BRWD3: variants seen among roughly 807,000 people sequenced by gnomAD.
BRWD3 encodes bromodomain and WD repeat-containing protein 3.
A neutral mutation model predicts 149.7 loss-of-function variants in BRWD3; 10 were observed. The observed-to-expected ratio is 0.07, with a 90% CI of 0.04 to 0.11. The LOEUF is 0.11. Ranked by LOEUF, BRWD3 falls within the 10% of genes least tolerant of loss-of-function variation. The probability of loss-of-function intolerance (pLI) is 1.00; values close to 1 mark genes in which losing one functional copy is unlikely to be tolerated. For synonymous variants in BRWD3, 504 were observed against 456.7 expected (o/e 1.10, Z -1.32); for missense variants, 940 against 1,373.2 (o/e 0.68, Z 4.99).
chrX:80,745,041 G>A (rs1303404748), intron 7 of BRWD3, among the ~76,000 whole-genome samples: 1 of 111,233 alleles, frequency 9.0e-6, no homozygotes, highest in Non-Finnish European at 1.9e-5. Context: ...AAATACTGGT[G>A]TACTACAATT....
At chrX:80,704,914 G>T in intron 22 of BRWD3, 68 bp from the exon 23 acceptor site, 1 of 1,025,381 alleles carries the variant, frequency 9.8e-7, no homozygotes, top group Non-Finnish European at 1.4e-6. Context: ...ATAATTGAAA[G>T]ATCATTCTGT....
intron 24 of BRWD3, among the ~76,000 whole-genome samples, chrX:80,700,637 T>A (rs2072773077): frequency 9.5e-6 from 1 of 105,182 alleles, no homozygotes; most frequent in Non-Finnish European, 1.9e-5. Flanking sequence ...CTAGGGAGGC[T>A]GACGCAGGAG....
chrX:80,770,702 T>A (rs975628161), intron 6 of BRWD3, among the ~76,000 whole-genome samples: 1 of 112,067 alleles, frequency 8.9e-6, no homozygotes, highest in Non-Finnish European at 1.9e-5. Flanking sequence ...AAGACAGGGA[T>A]GCCCTCTCTC....
At chrX:80,793,057 GAGGCTA>G (rs2074198531) in intron 5 of BRWD3, among the ~76,000 whole-genome samples, 1 of 105,479 alleles carries the variant, frequency 9.5e-6, no homozygotes, top group Non-Finnish European at 1.9e-5. Context: ...AGCTACTCAG[GAGGCTA>G]AGGCAGGAGA....
intron 40 of BRWD3, among the ~76,000 whole-genome samples, chrX:80,679,749 G>C (rs185115462): frequency 9.1e-6 from 1 of 109,734 alleles, no homozygotes; most frequent in Non-Finnish European, 1.9e-5. Context: ...AAAAAAAGAC[G>C]CTAGTTGGCC....
At position 80,681,361 on chromosome X, in the gene BRWD3, C is replaced by A; in HGVS notation, c.4634G>T (p.Arg1545Ile). ...CCTACCTTGTTTAACTGGCAAAACT[C>A]TATTCCGAAATGATTTGGCTTTCCC... Reference protein sequence around the residue: ...DPGKAKSFRNRVLPVKQDHSL... With the variant: ...DPGKAKSFRNIVLPVKQDHSL... Residue 1545 changes from arginine to isoleucine, a missense_variant, in exon 40 of 41, where the codon AGA becomes ATA. Transcript: ENST00000373275. 1 of 1,210,648 alleles carries A rather than the reference C, an allele frequency of 8.3e-7. No individual in the cohort carries two copies. Among genetic ancestry groups the A allele is most frequent in the South Asian group, 1.8e-5 (1 of 56,944 alleles).
chrX:80,798,422 A>G (rs991112789), intron 4 of BRWD3, among the ~76,000 whole-genome samples: 4 of 110,908 alleles, frequency 3.6e-5, no homozygotes, highest in African/African-American at 1.3e-4. Flanking sequence ...AAATAAATCT[A>G]TATTGTTATA....
intron 13 of BRWD3, among the ~76,000 whole-genome samples, 154 bp downstream of exon 13, chrX:80,729,762 C>G (rs1462398236): frequency 9.0e-6 from 1 of 111,404 alleles, no homozygotes; most frequent in Admixed American, 9.5e-5. Context: ...TCAACAGTAA[C>G]GAAGATTTGC....
chrX:80,733,335 G>T (rs2073360248), intron 12 of BRWD3, 121 bp downstream of exon 12: 3 of 515,494 alleles, frequency 5.8e-6, no homozygotes, highest in Admixed American at 6.6e-5. Context: ...GACAAACAAG[G>T]GCTTTGAACC....
chrX:80,738,630 TG>T (rs1357097875), intron 8 of BRWD3, among the ~76,000 whole-genome samples: 6 of 69,355 alleles, frequency 8.7e-5, no homozygotes, highest in South Asian at 7.0e-4. Flanking sequence ...GTGGAGGGGG[TG>T]GGGGGGGCAG....
rs544940807 is a variant in BRWD3 at position 80,704,053 on chromosome X, T to C, written c.2722-460A>G. Among the ~76,000 whole-genome samples the C allele has an allele frequency of 2.2e-4, 25 of 111,529 alleles. No individual in the cohort carries two copies. The South Asian group carries it at 9.4e-3, about 42-fold the overall frequency. ...AATCTATAGTGGGGAAAAGAAACTG[T>C]CATTGGGATGAAATAAAAACATAAA... On this transcript the variant is annotated intron_variant, in intron 23 of 40. Coordinates refer to ENST00000373275, the MANE Select transcript of BRWD3 (RefSeq NM_153252.5).
intron 4 of BRWD3, among the ~76,000 whole-genome samples, chrX:80,794,435 G>A (rs950203876): frequency 1.8e-5 from 2 of 109,259 alleles, no homozygotes; most frequent in Non-Finnish European, 3.8e-5. Flanking sequence ...AGCCCCAGAG[G>A]CAGAGGTTGC....
At chrX:80,696,985 T>A in intron 25 of BRWD3, 122 bp from the exon 26 acceptor site, 1 of 711,224 alleles carries the variant, frequency 1.4e-6, no homozygotes, top group African/African-American at 2.1e-5. Flanking sequence ...GGCACTACAC[T>A]AAGTGTTAAA....
intron 8 of BRWD3, among the ~76,000 whole-genome samples, chrX:80,737,566 G>A (rs893579456): frequency 1.7e-4 from 19 of 112,154 alleles, no homozygotes; most frequent in Non-Finnish European, 2.3e-4. Flanking sequence ...TGGGCGCAGT[G>A]GCTCACACCT....
chrX:80,682,697 A>C, intron 37 of BRWD3, 69 bp from the exon 38 acceptor site: 5 of 1,015,501 alleles, frequency 4.9e-6, no homozygotes, highest in Non-Finnish European at 5.4e-6. Context: ...ACATGCCTAG[A>C]CCAATATTAA....
At chrX:80,761,738 T>C (rs1377526314) in intron 6 of BRWD3, among the ~76,000 whole-genome samples, 1 of 111,808 alleles carries the variant, frequency 8.9e-6, no homozygotes, top group East Asian at 2.8e-4. Flanking sequence ...AGAGTCTTCC[T>C]TGTCTATTTG....
In BRWD3 at chrX:80,676,782, G is replaced by C; in HGVS notation, c.5236C>G (p.Arg1746Gly). The C allele has an allele frequency of 5.0e-6, 6 of 1,210,265 alleles. No homozygotes were observed. Among genetic ancestry groups the C allele is most frequent in the Non-Finnish European group, 6.7e-6 (6 of 894,884 alleles). Residue 1746 changes from arginine (R) to glycine (G), a missense_variant, in exon 41 of 41, where the codon CGA becomes GGA. Around this residue, in one of 6 missense-constraint regions of BRWD3, gnomAD observed 349 missense variants for 419.6 expected, o/e 0.83. Coordinates refer to ENST00000373275, the MANE Select transcript of BRWD3 (RefSeq NM_153252.5). ...MFSGRFSRLPRIKTRNQGRRT... is the reference protein window; with the variant it reads ...MFSGRFSRLPGIKTRNQGRRT... Reference sequence around the variant, plus strand: ...CTGCCTTGGTTTCTTGTTTTAATTCGAGGCAGTCTACTGAAACGTCCTGAA... The same window carrying C: ...CTGCCTTGGTTTCTTGTTTTAATTCCAGGCAGTCTACTGAAACGTCCTGAA...
chrX:80,743,900 A>G (rs1023098302), intron 8 of BRWD3, 132 bp downstream of exon 8: 2 of 457,183 alleles, frequency 4.4e-6, no homozygotes, highest in African/African-American at 4.9e-5. Context: ...GCTGCAGGGT[A>G]GGAGCAAAGT....
chrX:80,790,042 C>T (rs1425054534), intron 6 of BRWD3, among the ~76,000 whole-genome samples: 1 of 106,806 alleles, frequency 9.4e-6, no homozygotes, highest in Non-Finnish European at 1.9e-5. Flanking sequence ...AAAAATTAGT[C>T]GGATGTGGTG....
Sources: allele counts gnomAD v4.1 joint callset (sites outside exome capture counted in the v4.1 genomes callset), GRCh38; gene constraint gnomAD v4.1.1; regional missense constraint gnomAD v4.1.1; transcripts MANE v1.5; gene names NCBI Gene and HGNC (gene_info 2026-07-23, HGNC 2026-07-21).